PLEKHA6: variants seen among roughly 807,000 people sequenced by gnomAD.
PLEKHA6 encodes the protein pleckstrin homology domain containing A6.
PLEKHA6 carries 60 observed loss-of-function variants against 116.7 expected under a neutral mutation model. That is an observed-to-expected ratio of 0.51 (90% CI 0.42 to 0.64). The LOEUF (loss-of-function observed/expected upper bound fraction) is 0.64, where lower values mean the gene tolerates loss of function less well. Among genes scored for constraint, PLEKHA6 ranks in the 30% least tolerant of loss-of-function variants. The pLI is 0.00. For synonymous variants in PLEKHA6, 489 were observed against 556.1 expected (o/e 0.88, Z 1.70); for missense variants, 1,338 against 1,422.7 (o/e 0.94, Z 0.96).
At chr1:204,250,443 C>T in intron 10 of PLEKHA6, 103 bp downstream of exon 10, 1 of 787,264 alleles carries the variant, frequency 1.3e-6, no homozygotes, top group Non-Finnish European at 2.2e-6. Flanking sequence ...GATGGAGAGA[C>T]AGCCCCCGCA....
chr1:204,255,686 G>A (rs1427233661), intron 9 of PLEKHA6: 18 of 702,772 alleles, frequency 2.6e-5, no homozygotes, highest in East Asian at 1.9e-4. Flanking sequence ...CATCCTACCC[G>A]GAGCCCGAGG....
At chr1:204,294,055 C>T (rs1670031349) in intron 1 of PLEKHA6, among the ~76,000 whole-genome samples, 1 of 152,184 alleles carries the variant, frequency 6.6e-6, no homozygotes, top group Admixed American at 6.5e-5. Flanking sequence ...AAGAGAATGT[C>T]CTTGTTTTTA....
chr1:204,312,087 C>T (rs1020654041), intron 1 of PLEKHA6, among the ~76,000 whole-genome samples: 1 of 152,202 alleles, frequency 6.6e-6, no homozygotes, highest in Non-Finnish European at 1.5e-5. Context: ...ACAGGAAACT[C>T]ATGGTTAGAA....
intron 1 of PLEKHA6, among the ~76,000 whole-genome samples, chr1:204,349,132 A>G (rs1157139465): frequency 6.6e-6 from 1 of 152,230 alleles, no homozygotes; most frequent in African/African-American, 2.4e-5. Flanking sequence ...GACAGCAGAC[A>G]AGAGGAGCCT....
intron 6 of PLEKHA6, among the ~76,000 whole-genome samples, chr1:204,264,347 T>C (rs1255033866): frequency 6.6e-6 from 1 of 152,158 alleles, no homozygotes; most frequent in Non-Finnish European, 1.5e-5. Context: ...GCAGTGATAT[T>C]GAGCAGGCAG....
chr1:204,287,046 C>A (rs191819291), intron 1 of PLEKHA6, among the ~76,000 whole-genome samples: 7 of 152,278 alleles, frequency 4.6e-5, no homozygotes, highest in African/African-American at 1.7e-4. Flanking sequence ...TCTAAACTGG[C>A]ACAGGGAGCA....
intron 1 of PLEKHA6, among the ~76,000 whole-genome samples, chr1:204,333,362 G>A (rs1672529035): frequency 6.6e-6 from 1 of 152,216 alleles, no homozygotes; most frequent in Non-Finnish European, 1.5e-5. Context: ...GGAGGAAGCT[G>A]TGGGCTGCAG....
intron 1 of PLEKHA6, chr1:204,282,918 GC>G: frequency 2.3e-6 from 1 of 440,554 alleles, no homozygotes; most frequent in Non-Finnish European, 3.0e-6. Context: ...AAAGGCCCCA[GC>G]CCCCTCGCCT....
chr1:204,263,872 C>A lies in PLEKHA6; in HGVS notation c.381+1070G>T, dbSNP rs1272166859. Among the ~76,000 whole-genome samples, 4 of 152,122 alleles carry A rather than the reference C, an allele frequency of 2.6e-5. No homozygotes were observed. The South Asian group carries it at 6.2e-4, about 24-fold the overall frequency. ...TATTAATTGTTCATTCTCTTCACACCTCTGGCATACAAGACCCCGGGAGGC... is the reference window on the plus strand; with the variant it reads ...TATTAATTGTTCATTCTCTTCACACATCTGGCATACAAGACCCCGGGAGGC... On this transcript the variant is annotated intron_variant, in intron 6 of 22. Coordinates refer to ENST00000272203, the MANE Select transcript of PLEKHA6 (RefSeq NM_014935.5).
At chr1:204,285,241 G>A (rs1027963324) in intron 1 of PLEKHA6, among the ~76,000 whole-genome samples, 1 of 152,180 alleles carries the variant, frequency 6.6e-6, no homozygotes, top group Non-Finnish European at 1.5e-5. Context: ...GCAATTCTAA[G>A]CCAGTGTATC....
At chr1:204,298,382 C>G (rs995137056) in intron 1 of PLEKHA6, among the ~76,000 whole-genome samples, 2 of 152,164 alleles carry the variant, frequency 1.3e-5, no homozygotes, top group African/African-American at 2.4e-5. Context: ...ATGGAACAAT[C>G]AAACCATTTA....
At chr1:204,294,526 A>G (rs1479764753) in intron 1 of PLEKHA6, among the ~76,000 whole-genome samples, 1 of 152,256 alleles carries the variant, frequency 6.6e-6, no homozygotes, top group East Asian at 1.9e-4. Context: ...GCCCAAAGCC[A>G]GCTTTCTTCC....
Position 204,359,746 on chromosome 1 carries a change from A to G in PLEKHA6, c.-147T>C, listed in dbSNP as rs1673516146. 1.0e-6 allele frequency: 1 copy of G among 960,416 alleles called. No homozygotes were observed. The highest frequency in any genetic ancestry group is 1.2e-6 in the Non-Finnish European group (1 of 807,110). The allele number at this position is 960,416 out of a possible 1,614,324, so 59.5% of individuals were successfully genotyped here. ...GGAAAGCTCTAACTCTGCGAGCCCC[A>G]AGGCACCCCTCCCCCCAGCTCAGGC... On this transcript the variant is annotated 5_prime_UTR_variant, in exon 1 of 23. Coordinates refer to ENST00000272203, the MANE Select transcript of PLEKHA6 (RefSeq NM_014935.5).
intron 2 of PLEKHA6, 97 bp from the exon 3 acceptor site, chr1:204,273,837 G>A (rs1452280916): frequency 8.6e-6 from 7 of 810,294 alleles, no homozygotes; most frequent in African/African-American, 1.7e-5. Flanking sequence ...CACTGTTTCA[G>A]CATCAGCACA....
At chr1:204,355,571 G>A (rs903641412) in intron 1 of PLEKHA6, among the ~76,000 whole-genome samples, 2 of 152,068 alleles carry the variant, frequency 1.3e-5, no homozygotes, top group African/African-American at 2.4e-5. Context: ...TCCCAGGTAC[G>A]TGGGATTACA....
chr1:204,291,175 A>G (rs567007000), intron 1 of PLEKHA6, among the ~76,000 whole-genome samples: 35 of 152,324 alleles, frequency 2.3e-4, no homozygotes, highest in Non-Finnish European at 4.0e-4. Flanking sequence ...ACATGAAAAG[A>G]AAACATCATT....
chr1:204,364,841 G>A (rs530795577), upstream of PLEKHA6, among the ~76,000 whole-genome samples: 6 of 152,282 alleles, frequency 3.9e-5, no homozygotes, highest in Admixed American at 3.3e-4. Flanking sequence ...TAGGGGTAGG[G>A]CCCAGCCATC....
chr1:204,295,767 A>G (rs1340469609), intron 1 of PLEKHA6, among the ~76,000 whole-genome samples: 1 of 152,082 alleles, frequency 6.6e-6, no homozygotes, highest in Non-Finnish European at 1.5e-5. Flanking sequence ...ACAGCCCGAG[A>G]AGGAAAACAA....
chr1:204,350,796 C>A (rs1033776932), intron 1 of PLEKHA6, among the ~76,000 whole-genome samples: 1 of 152,192 alleles, frequency 6.6e-6, no homozygotes, highest in African/African-American at 2.4e-5. Context: ...GTCAAATCCC[C>A]TAAACGTCCC....
Sources: allele counts gnomAD v4.1 joint callset (sites outside exome capture counted in the v4.1 genomes callset), GRCh38; gene constraint gnomAD v4.1.1; transcripts MANE v1.5; gene names NCBI Gene and HGNC (gene_info 2026-07-23, HGNC 2026-07-21).